Variants in MICU3 observed in about 807,000 individuals in gnomAD.
MICU3 encodes the protein mitochondrial calcium uptake 3.
Under a neutral mutation model 66.5 loss-of-function variants are expected in MICU3, and 62 were observed. That is an observed-to-expected ratio of 0.93 (90% confidence interval 0.76 to 1.15). MICU3 has a LOEUF of 1.15. Ranked by LOEUF, MICU3 falls within the 50% of genes most tolerant of loss-of-function variation. The pLI is 0.00. For synonymous variants in MICU3, 308 were observed against 240.7 expected, an observed-to-expected ratio of 1.28 and a Z score of -2.59; for missense variants, 779 against 664.4, an observed-to-expected ratio of 1.17 and a Z score of -1.90.
At chr8:17,056,774 G>A (rs2083186052) in intron 1 of MICU3, among the ~76,000 whole-genome samples, 1 of 152,198 alleles carries the variant, frequency 6.6e-6, no homozygotes, top group Admixed American at 6.5e-5. Flanking sequence ...TAGAGAGGGT[G>A]TGGCAGCAGA....
At chr8:17,073,352 T>C (rs976819989) in intron 3 of MICU3, among the ~76,000 whole-genome samples, 2 of 152,050 alleles carry the variant, frequency 1.3e-5, no homozygotes, top group East Asian at 1.9e-4. Flanking sequence ...TAGATTCTCA[T>C]AGGAGCCCAA....
chr8:17,115,341 C>T (rs376708225), intron 12 of MICU3, among the ~76,000 whole-genome samples: 1 of 152,222 alleles, frequency 6.6e-6, no homozygotes, highest in South Asian at 2.1e-4. Flanking sequence ...TATTCTCAAC[C>T]CATTTTAGTG....
intron 11 of MICU3, among the ~76,000 whole-genome samples, chr8:17,110,379 A>G (rs1802084833): frequency 6.6e-6 from 1 of 151,890 alleles, no homozygotes; most frequent in Admixed American, 6.6e-5. Flanking sequence ...TTTTCCTCAT[A>G]CCAAAAGTAA....
chr8:17,086,937 T>C, intron 6 of MICU3, 27 bp from the exon 7 acceptor site: 1 of 1,498,562 alleles, frequency 6.7e-7, no homozygotes, highest in Non-Finnish European at 9.3e-7. Flanking sequence ...TGTTGGATAT[T>C]TGATTCTTGA....
chr8:17,124,659 A>G (rs888939291), downstream of MICU3, among the ~76,000 whole-genome samples: 6 of 150,600 alleles, frequency 4.0e-5, no homozygotes, highest in African/African-American at 1.5e-4. Flanking sequence ...AAACCTCCAT[A>G]TTTCCTGAGA....
At chr8:17,041,565 G>C (rs1431177076) in intron 1 of MICU3, among the ~76,000 whole-genome samples, 1 of 151,888 alleles carries the variant, frequency 6.6e-6, no homozygotes, top group Non-Finnish European at 1.5e-5. Flanking sequence ...AGAAGAGAGA[G>C]GATAGTAGCC....
intron 2 of MICU3, 85 bp downstream of exon 2, chr8:17,064,322 T>C: frequency 9.8e-7 from 1 of 1,023,674 alleles, no homozygotes; most frequent in Non-Finnish European, 1.4e-6. Context: ...ATAAGTTTTT[T>C]AGAAGAACTG....
downstream of MICU3, among the ~76,000 whole-genome samples, chr8:17,125,349 A>G (rs1293706364): frequency 6.6e-6 from 1 of 151,178 alleles, no homozygotes; most frequent in Non-Finnish European, 1.5e-5. Flanking sequence ...CAGTTTCTTT[A>G]AAGTTTTCTT....
intron 11 of MICU3, among the ~76,000 whole-genome samples, chr8:17,108,972 T>C (rs1474221974): frequency 2.2e-4 from 34 of 152,158 alleles, no homozygotes; most frequent in Admixed American, 2.2e-3. Context: ...TTGTATATGT[T>C]GTCCCCTCTG....
At chr8:17,036,556 C>T (rs1199706327) in intron 1 of MICU3, among the ~76,000 whole-genome samples, 1 of 152,144 alleles carries the variant, frequency 6.6e-6, no homozygotes, top group African/African-American at 2.4e-5. Context: ...TCCACATCCC[C>T]ATCAGATTAG....
At chr8:17,118,363 T>G (rs1181628779) in intron 13 of MICU3, among the ~76,000 whole-genome samples, 1 of 152,300 alleles carries the variant, frequency 6.6e-6, no homozygotes, top group Admixed American at 6.5e-5. Flanking sequence ...GTGGAATGAT[T>G]ATATCAAACT....
intron 2 of MICU3, among the ~76,000 whole-genome samples, chr8:17,068,767 A>G (rs1819093354): frequency 6.6e-6 from 1 of 152,144 alleles, no homozygotes; most frequent in Admixed American, 6.5e-5. Flanking sequence ...TTTTTTTGTA[A>G]TTTTGAATTT....
chr8:17,078,999 A>G (rs937107485), intron 4 of MICU3, among the ~76,000 whole-genome samples: 1 of 152,186 alleles, frequency 6.6e-6, no homozygotes, highest in Non-Finnish European at 1.5e-5. Context: ...TTTTCTTAAT[A>G]TACCTCATGG....
In MICU3 at chr8:17,096,692, T is replaced by G. The variant is rs955899280; in HGVS notation, c.889-1766T>G. Among the ~76,000 whole-genome samples, 3 of 151,900 alleles carry G rather than the reference T, an allele frequency of 2.0e-5. No homozygotes were observed. The South Asian group carries it at 6.2e-4, about 31-fold the overall frequency. ...TTGTTTAATCCCTGAGGCTAAATGATGAACCAGAAAGCTTTCTGCAGCAGG... is the reference window on the plus strand; with the variant it reads ...TTGTTTAATCCCTGAGGCTAAATGAGGAACCAGAAAGCTTTCTGCAGCAGG... On this transcript the variant is annotated intron_variant, in intron 8 of 14. Transcript: ENST00000318063.
At chr8:17,074,060 T>TTTTTTTA (rs574539939) in intron 3 of MICU3, among the ~76,000 whole-genome samples, 1 of 151,602 alleles carries the variant, frequency 6.6e-6, no homozygotes, top group South Asian at 2.1e-4. Flanking sequence ...TTTTGGTTTT[T>TTTTTTTA]TTTTTTATTT....
intron 1 of MICU3, 94 bp from the exon 2 acceptor site, chr8:17,063,990 A>T: frequency 1.2e-6 from 1 of 835,854 alleles, no homozygotes; most frequent in Non-Finnish European, 1.8e-6. Flanking sequence ...TTCCTCATTT[A>T]CTCTGTTTAT....
intron 11 of MICU3, among the ~76,000 whole-genome samples, chr8:17,112,041 A>G (rs1478609531): frequency 6.7e-6 from 1 of 149,708 alleles, no homozygotes; most frequent in Non-Finnish European, 1.5e-5. Context: ...GAATTCACTC[A>G]CTATCACGAG....
In MICU3 at chr8:17,030,810, A is replaced by G. The variant is rs62503718; in HGVS notation, c.381+3150A>G. Among the ~76,000 whole-genome samples the G allele has an allele frequency of 6.9e-3, 1,048 of 152,184 alleles. 3 individuals carry two copies. Among genetic ancestry groups the G allele is most frequent in the Non-Finnish European group, 0.011 (730 of 68,000 alleles). On this transcript the variant is annotated intron_variant, in intron 1 of 14. Coordinates refer to ENST00000318063, the MANE Select transcript of MICU3 (RefSeq NM_181723.3). ...GTCCGTTTTGGGATTCTGTATAGCA[A>G]ATATTAATACCTTACTTCTATTTGG...
chr8:17,074,833 C>G (rs1042504986), intron 3 of MICU3, among the ~76,000 whole-genome samples: 2 of 152,036 alleles, frequency 1.3e-5, no homozygotes, highest in East Asian at 1.9e-4. Context: ...AGGAGACTGA[C>G]TTTAATTCAG....
Sources: gnomAD v4.1 joint callset for allele counts (sites outside exome capture counted in the v4.1 genomes callset) on GRCh38, gnomAD v4.1.1 for gene constraint, MANE v1.5 for transcripts, NCBI Gene and HGNC (gene_info 2026-07-23, HGNC 2026-07-21) for gene names.